The following ACOXL variants were observed in gnomAD, a reference collection of about 807,000 sequenced individuals.
ACOXL encodes acyl-CoA oxidase like.
ACOXL carries 70 observed loss-of-function variants against 71.9 expected under a neutral mutation model. The ratio of observed to expected loss-of-function variants is 0.97; its 90% CI spans 0.80 to 1.19. The LOEUF (loss-of-function observed/expected upper bound fraction) is 1.19. Among genes scored for constraint, ACOXL ranks in the 50% most tolerant of loss-of-function variants. The pLI is 0.00. For synonymous variants in ACOXL, 253 were observed against 281.6 expected (o/e 0.90, Z 1.02); for missense variants, 703 against 736.3 (o/e 0.95, Z 0.52).
chr2:110,760,115 A>G lies in ACOXL; in HGVS notation c.-22-8253A>G, dbSNP rs529487016. Among the ~76,000 whole-genome samples the G allele has an allele frequency of 6.6e-5, 10 of 150,762 alleles. No homozygotes were observed. The South Asian group carries it at 1.3e-3, about 19-fold the overall frequency. On this transcript the variant is annotated intron_variant, in intron 1 of 17. Transcript: ENST00000439055. The stretch of plus-strand genomic sequence containing the variant: ...CTTGGGGGCTTCCAGGTGTACAATC[A>G]TATTATAGCTAGTTAAATTTTTCTT...
At chr2:110,814,739 C>T (rs1687725273) in intron 9 of ACOXL, among the ~76,000 whole-genome samples, 1 of 152,182 alleles carries the variant, frequency 6.6e-6, no homozygotes, top group African/African-American at 2.4e-5. Flanking sequence ...CTCTAGAAGT[C>T]TAATGTCAAA....
At chr2:110,863,611 G>C (rs749842879) in intron 10 of ACOXL, among the ~76,000 whole-genome samples, 1 of 152,136 alleles carries the variant, frequency 6.6e-6, no homozygotes, top group Non-Finnish European at 1.5e-5. Context: ...CAACTGGTTG[G>C]TAACAGGGCA....
chr2:110,875,627 A>G (rs1473744826), intron 10 of ACOXL, among the ~76,000 whole-genome samples: 1 of 151,920 alleles, frequency 6.6e-6, no homozygotes, highest in Non-Finnish European at 1.5e-5. Context: ...CTTGCTGCTC[A>G]CCTCGATCCT....
intron 11 of ACOXL, among the ~76,000 whole-genome samples, chr2:110,917,940 T>C (rs752551876): frequency 6.6e-6 from 1 of 152,220 alleles, no homozygotes; most frequent in Non-Finnish European, 1.5e-5. Context: ...TCCATGCTTA[T>C]GTATAGGAAG....
At chr2:111,108,495 C>T (rs941427648) in intron 17 of ACOXL, among the ~76,000 whole-genome samples, 1 of 150,766 alleles carries the variant, frequency 6.6e-6, no homozygotes, top group Non-Finnish European at 1.5e-5. Flanking sequence ...TCTCCTGCCT[C>T]AGCCTCCCAA....
chr2:110,982,634 C>T (rs2062759796), intron 12 of ACOXL, among the ~76,000 whole-genome samples: 1 of 152,208 alleles, frequency 6.6e-6, no homozygotes, highest in Admixed American at 6.5e-5. Context: ...CCCTGAAATG[C>T]CCTTCAGGAA....
intron 12 of ACOXL, among the ~76,000 whole-genome samples, chr2:110,934,953 G>A (rs373727828): frequency 6.6e-6 from 1 of 152,196 alleles, no homozygotes; most frequent in South Asian, 2.1e-4. Context: ...GCAATGGCGC[G>A]ATGTGACTCT....
intron 17 of ACOXL, among the ~76,000 whole-genome samples, chr2:111,117,104 C>A (rs2070410461): frequency 6.6e-6 from 1 of 152,216 alleles, no homozygotes; most frequent in Non-Finnish European, 1.5e-5. Flanking sequence ...AGGTCAGGAC[C>A]GAAGGCGCTA....
chr2:110,773,809 G>C (rs1263016024), intron 2 of ACOXL, among the ~76,000 whole-genome samples: 1 of 152,218 alleles, frequency 6.6e-6, no homozygotes, highest in Non-Finnish European at 1.5e-5. Flanking sequence ...GGCCAGCCCT[G>C]GCCGCCTGGG....
At chr2:110,828,610 T>G (rs1689442565) in intron 9 of ACOXL, among the ~76,000 whole-genome samples, 1 of 152,220 alleles carries the variant, frequency 6.6e-6, no homozygotes, top group South Asian at 2.1e-4. Flanking sequence ...GCTGAGCACT[T>G]TGCGTACGTC....
At chr2:110,886,774 T>C in intron 10 of ACOXL, 2 of 1,550,966 alleles carry the variant, frequency 1.3e-6, no homozygotes, top group Middle Eastern at 1.7e-4. Context: ...TCTGTCCCTT[T>C]TTCTAGGTCC....
At chr2:110,812,950 G>A (rs556401917) in intron 9 of ACOXL, among the ~76,000 whole-genome samples, 15 of 152,228 alleles carry the variant, frequency 9.9e-5, no homozygotes, top group African/African-American at 3.6e-4. Context: ...ATGTGGCAGC[G>A]GGTACTGAGA....
intron 1 of ACOXL, among the ~76,000 whole-genome samples, chr2:110,759,788 A>G (rs1038579550): frequency 4.6e-5 from 7 of 152,150 alleles, no homozygotes; most frequent in Admixed American, 6.5e-5. Flanking sequence ...TAACATAAGG[A>G]GAATTGATTT....
At chr2:110,975,056 C>G (rs1281969696) in intron 12 of ACOXL, among the ~76,000 whole-genome samples, 1 of 152,120 alleles carries the variant, frequency 6.6e-6, no homozygotes, top group East Asian at 1.9e-4. Flanking sequence ...GTGCTGCGTA[C>G]CAGCGGTGGG....
At chr2:111,070,369 C>G (rs2067284645) in intron 16 of ACOXL, among the ~76,000 whole-genome samples, 1 of 152,122 alleles carries the variant, frequency 6.6e-6, no homozygotes, top group Non-Finnish European at 1.5e-5. Flanking sequence ...ATGGATGGAG[C>G]TGGAGACCAT....
intron 12 of ACOXL, among the ~76,000 whole-genome samples, chr2:110,949,437 A>C (rs1421536057): frequency 2.0e-5 from 3 of 152,178 alleles, no homozygotes; most frequent in Non-Finnish European, 4.4e-5. Context: ...GTTGAGAGCC[A>C]TCAAGAAAAA....
chr2:110,754,070 ATTTTTTT>A lies in ACOXL; in HGVS notation c.-22-14284_-22-14278del, dbSNP rs558367497. The stretch of plus-strand genomic sequence containing the variant: ...TGTGTGTGTGTGTGTAGTTCTGTGA[ATTTTTTT>A]TTTTTTTTTTTTTGAGATAGGGTCT... On this transcript the variant is annotated intron_variant, in intron 1 of 17. Transcript: ENST00000439055. 5.4e-3 allele frequency among the ~76,000 whole-genome samples: 647 copies of A among 119,862 alleles called. 8 individuals are homozygous for A. Among genetic ancestry groups the A allele is most frequent in the African/African-American group, 0.02 (634 of 31,784 alleles). 78.6% of individuals were successfully genotyped at this position (119,862 alleles called of 152,430 possible).
chr2:111,047,549 A>G (rs750484448), intron 15 of ACOXL, among the ~76,000 whole-genome samples: 5 of 152,208 alleles, frequency 3.3e-5, no homozygotes, highest in African/African-American at 4.8e-5. Flanking sequence ...TCACAGCAAA[A>G]GTCCAAAACT....
chr2:110,833,712 C>A (rs976267805), intron 9 of ACOXL, among the ~76,000 whole-genome samples: 7 of 152,208 alleles, frequency 4.6e-5, no homozygotes, highest in Non-Finnish European at 7.3e-5. Flanking sequence ...CTCCTGCACT[C>A]TTTTTAGCAG....
Sources: allele counts gnomAD v4.1 joint callset (sites outside exome capture counted in the v4.1 genomes callset), GRCh38; gene constraint gnomAD v4.1.1; transcripts MANE v1.5; gene names NCBI Gene and HGNC (gene_info 2026-07-23, HGNC 2026-07-21).